The following SHANK2 variants were observed in gnomAD, a reference collection of about 807,000 sequenced individuals.
SHANK2 encodes SH3 and multiple ankyrin repeat domains protein 2.
A neutral mutation model predicts 133.7 loss-of-function variants in SHANK2; 43 were observed. The observed-to-expected ratio is 0.32, with a 90% CI of 0.25 to 0.41. The LOEUF (loss-of-function observed/expected upper bound fraction) is 0.41. Among genes scored for constraint, SHANK2 ranks in the 10% least tolerant of loss-of-function variants. The probability of loss-of-function intolerance (pLI) is 1.00; values close to 1 mark genes in which losing one functional copy is unlikely to be tolerated. For synonymous variants in SHANK2, 1,017 were observed against 952.8 expected, an observed-to-expected ratio of 1.07 and a Z score of -1.24; for missense variants, 1,994 against 2,235.8, an observed-to-expected ratio of 0.89 and a Z score of 2.18.
At chr11:70,560,523 A>T (rs2059895896) in intron 17 of SHANK2, among the ~76,000 whole-genome samples, 1 of 31,222 alleles carries the variant, frequency 3.2e-5, no homozygotes, top group Non-Finnish European at 5.8e-5. Flanking sequence ...AGAAAAGGAC[A>T]AGCTGATTGT....
At chr11:70,742,029 ACCTCCTCATCT>A (rs1555034877) in intron 14 of SHANK2, among the ~76,000 whole-genome samples, 3 of 152,110 alleles carry the variant, frequency 2.0e-5, no homozygotes, top group Admixed American at 6.6e-5. Flanking sequence ...CCGAGTCCCC[ACCTCCTCATCT>A]GTAAAATGGA....
At position 70,500,142 on chromosome 11, in the gene SHANK2, C is replaced by G. The variant is rs1015995058; in HGVS notation, c.2308+428G>C. On this transcript the variant is annotated intron_variant, in intron 21 of 25. Transcript: ENST00000601538. This position sits in a 1 kb window ranked among gnomAD's most constrained non-coding sequence, Gnocchi z 4.5. ...GCTCCCTTCTCCTTCTAGTGCCCCA[C>G]AGGGCACAGGGCAGCCTCTTGGGGA... is the stretch of plus-strand genomic sequence containing the variant. 5.0e-4 allele frequency among the ~76,000 whole-genome samples: 75 copies of G among 151,498 alleles called. No homozygotes were observed. Among genetic ancestry groups the G allele is most frequent in the African/African-American group, 1.8e-3 (75 of 40,826 alleles).
chr11:70,550,519 A>C (rs2059751306), intron 17 of SHANK2, among the ~76,000 whole-genome samples: 1 of 152,200 alleles, frequency 6.6e-6, no homozygotes, highest in East Asian at 1.9e-4. Context: ...GCCCACTGCT[A>C]CTGCTGCTCA....
At chr11:71,209,490 T>G (rs1042415760) in intron 2 of SHANK2, among the ~76,000 whole-genome samples, 1 of 152,120 alleles carries the variant, frequency 6.6e-6, no homozygotes, top group Non-Finnish European at 1.5e-5. Flanking sequence ...CCCCTTTGCA[T>G]AGGTCGTGCC....
intron 7 of SHANK2, among the ~76,000 whole-genome samples, chr11:71,093,971 C>T (rs566217774): frequency 5.0e-4 from 76 of 152,148 alleles, no homozygotes; most frequent in African/African-American, 1.6e-3. Flanking sequence ...GGCAGGGGCA[C>T]GGAGCAGTAA....
At chr11:70,890,229 C>T (rs1220020572) in intron 11 of SHANK2, among the ~76,000 whole-genome samples, 1 of 152,112 alleles carries the variant, frequency 6.6e-6, no homozygotes, top group South Asian at 2.1e-4. Context: ...CCAGGCTGGG[C>T]GTGGTGGCTC....
rs1951865879 is a variant in SHANK2, at chr11:71,109,922, C to T, written c.592+19G>A. On this transcript the variant is annotated intron_variant, in intron 6 of 25. Coordinates refer to ENST00000601538, the MANE Select transcript of SHANK2 (RefSeq NM_012309.5). ...CGCTTCCGTAAAGCCTGGTAAGGTC[C>T]CCTCTAGCAAGTGCTCACCTCCGGT... The T allele has an allele frequency of 6.7e-7, 1 of 1,481,520 alleles. No individual in the cohort carries two copies. Among genetic ancestry groups the T allele is most frequent in the Non-Finnish European group, 9.2e-7 (1 of 1,083,038 alleles). The allele number at this position is 1,481,520 out of a possible 1,614,324, so 91.8% of individuals were successfully genotyped here. A position where few individuals can be genotyped will look rare whatever the true frequency, so the allele number is the denominator to read the frequency against.
At chr11:70,924,052 G>A (rs1275956418) in intron 10 of SHANK2, among the ~76,000 whole-genome samples, 1 of 152,180 alleles carries the variant, frequency 6.6e-6, no homozygotes, top group Non-Finnish European at 1.5e-5. Context: ...CAGGAGGCTG[G>A]CCAACTACAC....
At chr11:70,744,379 C>T (rs1425658697) in intron 14 of SHANK2, among the ~76,000 whole-genome samples, 1 of 152,216 alleles carries the variant, frequency 6.6e-6, no homozygotes, top group Non-Finnish European at 1.5e-5. Flanking sequence ...CCGGGCCCTC[C>T]TTCCTCACCT....
At chr11:70,954,765 G>T (rs78885129) in intron 10 of SHANK2, among the ~76,000 whole-genome samples, 10,822 of 152,326 alleles carry the variant, frequency 0.071, 1,094 homozygotes, top group African/African-American at 0.22. Context: ...GATTGCCAGA[G>T]AACTGGAAAT....
intron 2 of SHANK2, among the ~76,000 whole-genome samples, chr11:71,180,370 A>G (rs570061908): frequency 6.6e-6 from 1 of 152,310 alleles, no homozygotes; most frequent in African/African-American, 2.4e-5. Flanking sequence ...AGTGGTTTCC[A>G]AAGAAAAATG....
At chr11:70,530,044 A>G (rs1347198990) in intron 17 of SHANK2, among the ~76,000 whole-genome samples, 1 of 152,166 alleles carries the variant, frequency 6.6e-6, no homozygotes, top group Non-Finnish European at 1.5e-5. Flanking sequence ...TAATCCAGCA[A>G]TTCCACTCCT....
chr11:70,587,557 C>T (rs1048151716), intron 17 of SHANK2, among the ~76,000 whole-genome samples: 1 of 152,102 alleles, frequency 6.6e-6, no homozygotes, highest in East Asian at 1.9e-4. Flanking sequence ...TATGGAACAG[C>T]GAGTCCGACA....
chr11:71,131,447 A>G (rs1565468943), intron 3 of SHANK2, among the ~76,000 whole-genome samples: 1 of 152,192 alleles, frequency 6.6e-6, no homozygotes, highest in Non-Finnish European at 1.5e-5. Context: ...CGTTTTTCCA[A>G]TCAGAACATT....
intron 15 of SHANK2, among the ~76,000 whole-genome samples, chr11:70,670,893 G>A (rs1286776851): frequency 1.3e-5 from 2 of 152,206 alleles, no homozygotes; most frequent in African/African-American, 4.8e-5. Context: ...GTCGCTTCAC[G>A]TGGCATCAGG....
At chr11:70,777,306 T>C (rs1254158919) in intron 14 of SHANK2, among the ~76,000 whole-genome samples, 1 of 150,308 alleles carries the variant, frequency 6.7e-6, no homozygotes, top group Non-Finnish European at 1.5e-5. Context: ...CACCCACCCA[T>C]GCATCTATCT....
chr11:70,782,589 C>T (rs1447854056), intron 14 of SHANK2, among the ~76,000 whole-genome samples: 1 of 152,234 alleles, frequency 6.6e-6, no homozygotes, highest in Non-Finnish European at 1.5e-5. Flanking sequence ...AAAAGGCAAA[C>T]CACGCTGTGG....
chr11:70,941,087 A>G lies in SHANK2; in HGVS notation c.1108-44520T>C, dbSNP rs76116239. ...TTGGTGTCTGATAGTCCCCAATTTC[A>G]ATTCTTCCTCATAAGCTTGTCGGTA... On this transcript the variant is annotated intron_variant, in intron 10 of 25. Coordinates refer to ENST00000601538, the MANE Select transcript of SHANK2 (RefSeq NM_012309.5). Among the ~76,000 whole-genome samples the G allele has an allele frequency of 3.9e-5, 6 of 152,294 alleles. No homozygotes were observed. The East Asian group carries it at 1.2e-3, about 29-fold the overall frequency.
intron 15 of SHANK2, among the ~76,000 whole-genome samples, chr11:70,664,026 T>C (rs997357810): frequency 2.6e-5 from 4 of 152,162 alleles, no homozygotes; most frequent in Non-Finnish European, 5.9e-5. Context: ...CCGCTGTCCC[T>C]GTGACGGCTG....
Sources: gnomAD v4.1 joint callset for allele counts (sites outside exome capture counted in the v4.1 genomes callset) on GRCh38, gnomAD v4.1.1 for gene constraint, Gnocchi (gnomAD v3.1) non-coding constraint, MANE v1.5 for transcripts, NCBI Gene and HGNC (gene_info 2026-07-23, HGNC 2026-07-21) for gene names.